HSF1: variants seen among roughly 807,000 people sequenced by gnomAD.
HSF1 encodes heat shock transcription factor 1, also known as heat shock factor protein 1.
In HSF1, 32 loss-of-function variants were observed where a neutral mutation model predicts 51.7. That is an observed-to-expected ratio of 0.62 (90% CI 0.47 to 0.83). The LOEUF (loss-of-function observed/expected upper bound fraction) is 0.83. HSF1 is among the 40% of genes least tolerant of loss of function. The pLI is 0.00. For synonymous variants in HSF1, 396 were observed against 309.7 expected, an observed-to-expected ratio of 1.28 and a Z score of -2.92; for missense variants, 727 against 717.0, an observed-to-expected ratio of 1.01 and a Z score of -0.16.
chr8:144,313,867 G>T lies in HSF1; in HGVS notation c.1270G>T (p.Val424Leu). 1 of 1,597,288 alleles carries T rather than the reference G, an allele frequency of 6.3e-7. No homozygotes were observed. Among genetic ancestry groups the T allele is most frequent in the Non-Finnish European group, 8.5e-7 (1 of 1,175,646 alleles). The change falls in exon 11 of 13, where the codon GTG (valine) becomes TTG (leucine). Residue 424 changes from valine (V) to leucine (L), a missense_variant. By Grantham distance (32) the Val-to-Leu change is conservative (BLOSUM62 1). Transcript: ENST00000528838. Reference sequence around the variant, plus strand: ...GCAGCTGTTCAGCCCCTCGGTGACCGTGCCCGACATGAGCCTGCCTGACCT... The same window carrying T: ...GCAGCTGTTCAGCCCCTCGGTGACCTTGCCCGACATGAGCCTGCCTGACCT... ...LLDLFSPSVT[V>L]PDMSLPDLDS... is the part of the protein sequence containing the mutation.
At position 144,301,663 on chromosome 8, in the gene HSF1, G is replaced by A. The variant is rs1554842297; in HGVS notation, c.118-7243G>A. Among the ~76,000 whole-genome samples, 6 of 151,718 alleles carry A rather than the reference G, an allele frequency of 4.0e-5. No individual in the cohort carries two copies. The South Asian group carries it at 8.3e-4, about 21-fold the overall frequency. ...GGGCGGATCACCAGGTCAGGAGGTC[G>A]AGACCATCCTGGCTAATACAGTGAA... On this transcript the variant is annotated intron_variant, in intron 1 of 12. Coordinates refer to ENST00000528838, the MANE Select transcript of HSF1 (RefSeq NM_005526.4).
In HSF1 at chr8:144,308,880, G is replaced by A. The variant is rs181798487; in HGVS notation, c.118-26G>A. On this transcript the variant is annotated intron_variant, in intron 1 of 12. Coordinates refer to ENST00000528838, the MANE Select transcript of HSF1 (RefSeq NM_005526.4). ...CACGCTGCCCCTCACCACCACGCGT[G>A]ACCCACCCATGTGTCTCCCTTTCAG... is the stretch of plus-strand genomic sequence containing the variant. The A allele has an allele frequency of 1.4e-4, 219 of 1,597,820 alleles. No homozygotes were observed. In the African/African-American group the frequency reaches 2.6e-3, roughly 19 times the overall value.
intron 11 of HSF1, 21 bp downstream of exon 11, chr8:144,313,932 T>C: frequency 6.3e-7 from 1 of 1,599,756 alleles, no homozygotes; most frequent in Non-Finnish European, 8.5e-7. Flanking sequence ...GGGCGGGGGG[T>C]GAGGGGGAAC....
At chr8:144,309,996 C>G in intron 4 of HSF1, 100 bp downstream of exon 4, 1 of 1,384,582 alleles carries the variant, frequency 7.2e-7, no homozygotes. Context: ...GCCAGGTGCT[C>G]AGCTCCACCC....
chr8:144,310,952 G>C (rs879983343), intron 4 of HSF1: 1 of 586,168 alleles, frequency 1.7e-6, no homozygotes, highest in Non-Finnish European at 3.0e-6. Flanking sequence ...AACACCCTAC[G>C]TGACACCAGG....
In HSF1 at chr8:144,291,944, G is replaced by T. The variant is rs1295824846; in HGVS notation, c.117+70G>T. 2.5e-6 allele frequency: 2 copies of T among 810,974 alleles called. No homozygotes were observed. The highest frequency in any genetic ancestry group is 3.5e-6 in the Non-Finnish European group (2 of 575,300). The allele number at this position is 810,974 out of a possible 1,614,324, so 50.2% of individuals were successfully genotyped here. ...AGCAGGGCCGCGGCGGACGGCGCGGGAGGGCTGCGGGGAGGGGCCCTGCCG... is the reference window on the plus strand; with the variant it reads ...AGCAGGGCCGCGGCGGACGGCGCGGTAGGGCTGCGGGGAGGGGCCCTGCCG... On this transcript the variant is annotated intron_variant, in intron 1 of 12. Transcript: ENST00000528838. The surrounding 1 kb of genome is among the most constrained non-coding windows in gnomAD (Gnocchi z 4.1).
chr8:144,313,229 G>A (rs1320933630), intron 9 of HSF1: 3 of 468,482 alleles, frequency 6.4e-6, no homozygotes, highest in Admixed American at 3.7e-5. Context: ...TCCTTGTGCT[G>A]GAGCTGAATA....
chr8:144,298,630 G>A (rs1470782180), intron 1 of HSF1, among the ~76,000 whole-genome samples: 11 of 151,710 alleles, frequency 7.3e-5, no homozygotes, highest in Non-Finnish European at 1.5e-4. Flanking sequence ...AGAAAAAACC[G>A]GCGAGGACTG....
rs1816839741 is a variant in HSF1 at position 144,313,557 on chromosome 8, A to T, written c.1189A>T (p.Asn397Tyr). ...HLDAMDSNLD[N>Y]LQTMLSSHGF... ...GGATGCTATGGACTCCAACCTGGAT[A>T]ACCTGCAGACCATGCTGAGCAGCCA... is the stretch of plus-strand genomic sequence containing the variant. The change falls in exon 10 of 13, where the codon AAC becomes TAC. Residue 397 changes from asparagine (N) to tyrosine (Y), a missense_variant. By Grantham distance (143) the Asn-to-Tyr change is moderately radical (BLOSUM62 -2). Around this residue, in one of 2 missense-constraint regions of HSF1, gnomAD observed 470 missense variants for 398.8 expected, o/e 1.18. Coordinates refer to ENST00000528838, the MANE Select transcript of HSF1 (RefSeq NM_005526.4). 1 of 1,612,150 alleles carries T rather than the reference A, an allele frequency of 6.2e-7. No individual in the cohort carries two copies. The highest frequency in any genetic ancestry group is 8.5e-7 in the Non-Finnish European group (1 of 1,179,404).
intron 1 of HSF1, among the ~76,000 whole-genome samples, chr8:144,298,285 G>A (rs545773494): frequency 7.2e-5 from 11 of 152,204 alleles, no homozygotes; most frequent in African/African-American, 2.2e-4. Context: ...ATAAGAAGCC[G>A]CTGAAAATGT....
intron 1 of HSF1, among the ~76,000 whole-genome samples, chr8:144,298,097 G>A (rs1341461706): frequency 6.6e-6 from 1 of 152,102 alleles, no homozygotes; most frequent in African/African-American, 2.4e-5. Context: ...GTTATGACCG[G>A]TGACTCCTCC....
At chr8:144,298,252 A>G (rs908737686) in intron 1 of HSF1, among the ~76,000 whole-genome samples, 1 of 152,104 alleles carries the variant, frequency 6.6e-6, no homozygotes, top group African/African-American at 2.4e-5. Context: ...TGACATGTTC[A>G]ACTTGGATTT....
At chr8:144,304,854 G>A (rs568992064) in intron 1 of HSF1, among the ~76,000 whole-genome samples, 60 of 151,246 alleles carry the variant, frequency 4.0e-4, no homozygotes, top group Non-Finnish European at 8.0e-4. Flanking sequence ...ATGCTGGCCA[G>A]GCTGGAACTC....
At chr8:144,311,879 C>T (rs782218297) in intron 8 of HSF1, 43 bp downstream of exon 8, 3 of 1,585,614 alleles carry the variant, frequency 1.9e-6, no homozygotes, top group South Asian at 1.2e-5. Flanking sequence ...CCCAATGAGG[C>T]GAGCCCCTGT....
chr8:144,314,274 A>G lies in HSF1; in HGVS notation c.1534A>G (p.Ile512Val), dbSNP rs782311525. 2 of 1,550,852 alleles carry G rather than the reference A, an allele frequency of 1.3e-6. No homozygotes were observed. The highest frequency in any genetic ancestry group is 8.7e-7 in the Non-Finnish European group (1 of 1,147,218). ...EGDGFAEDPT[I>V]SLLTGSEPPK... ...GGACGGCTTCGCCGAGGACCCCACC[A>G]TCTCCCTGCTGACAGGCTCGGAGCC... is the stretch of plus-strand genomic sequence containing the variant. The change falls in exon 13 of 13, where the codon ATC becomes GTC. Residue 512 changes from isoleucine to valine, a missense_variant. Physicochemically the swap from Ile to Val is conservative, Grantham distance 29. Coordinates refer to ENST00000528838, the MANE Select transcript of HSF1 (RefSeq NM_005526.4).
chr8:144,306,295 G>A (rs527919609), intron 1 of HSF1, among the ~76,000 whole-genome samples: 8 of 146,424 alleles, frequency 5.5e-5, no homozygotes, highest in African/African-American at 1.5e-4. Flanking sequence ...TTTTTTTCCC[G>A]TGTATGGGGT....
At position 144,297,666 on chromosome 8, in the gene HSF1, C is replaced by A. The variant is rs546283257; in HGVS notation, c.117+5792C>A. ...CGTGGGCCACAGCTACTCACACACG[C>A]GCTCCCTTTGCTCCTAAAGCCTATA... On this transcript the variant is annotated intron_variant, in intron 1 of 12. Coordinates refer to ENST00000528838, the MANE Select transcript of HSF1 (RefSeq NM_005526.4). This position sits in a 1 kb window ranked among gnomAD's most constrained non-coding sequence, Gnocchi z 4.6. Among the ~76,000 whole-genome samples, 21 of 152,262 alleles carry A rather than the reference C, an allele frequency of 1.4e-4. No individual in the cohort carries two copies. In the South Asian group the frequency reaches 4.4e-3, roughly 32 times the overall value.
rs782319361 is a variant in HSF1 at position 144,309,816 on chromosome 8, C to T, written c.408C>T (p.Ser136=). ...KSEDIKIRQD[S]VTKLLTDVQL... ...AAGACATAAAGATCCGCCAGGACAG[C>T]GTCACCAAGCTGCTGACGGACGTGC... Residue 136 remains serine, a synonymous_variant, in exon 4 of 13, where the codon AGC becomes AGT. Coordinates refer to ENST00000528838, the MANE Select transcript of HSF1 (RefSeq NM_005526.4). 3.1e-6 allele frequency: 5 copies of T among 1,613,918 alleles called. No individual in the cohort carries two copies. The highest frequency in any genetic ancestry group is 1.6e-4 in the Middle Eastern group (1 of 6,062).
rs1816402089 is a variant in HSF1, at chr8:144,308,807, C to T, written c.118-99C>T. On this transcript the variant is annotated intron_variant, in intron 1 of 12. Coordinates refer to ENST00000528838, the MANE Select transcript of HSF1 (RefSeq NM_005526.4). Reference sequence around the variant, plus strand: ...CCCCAGCCCCATCAGGTGGAACGTGCACTGCCTGCGTTTCAGAAGGGGCGG... The same window carrying T: ...CCCCAGCCCCATCAGGTGGAACGTGTACTGCCTGCGTTTCAGAAGGGGCGG... 6.2e-6 allele frequency: 6 copies of T among 961,294 alleles called. No homozygotes were observed. In the East Asian group the frequency reaches 1.2e-4, roughly 19 times the overall value. 59.5% of individuals were successfully genotyped at this position (961,294 alleles called of 1,614,324 possible).
Sources: gnomAD v4.1 joint callset for allele counts (sites outside exome capture counted in the v4.1 genomes callset) on GRCh38, gnomAD v4.1.1 for gene constraint, gnomAD v4.1.1 regional missense constraint, Gnocchi (gnomAD v3.1) non-coding constraint, MANE v1.5 for transcripts, NCBI Gene and HGNC (gene_info 2026-07-23, HGNC 2026-07-21) for gene names.